FGD5: variants seen among roughly 807,000 people sequenced by gnomAD.
FGD5 encodes the protein FYVE, RhoGEF and PH domain-containing protein 5.
Under a neutral mutation model 133.4 loss-of-function variants are expected in FGD5, and 28 were observed. The ratio of observed to expected loss-of-function variants is 0.21; its 90% CI spans 0.16 to 0.29. The LOEUF (loss-of-function observed/expected upper bound fraction) is 0.29, where lower values mean the gene tolerates loss of function less well. Ranked by LOEUF, FGD5 falls within the 10% of genes least tolerant of loss-of-function variation. The pLI is 1.00. For synonymous variants in FGD5, 810 were observed against 776.5 expected (o/e 1.04, Z -0.72); for missense variants, 1,858 against 1,895.2 (o/e 0.98, Z 0.36).
At chr3:14,882,533 A>T (rs920908378) in intron 4 of FGD5, among the ~76,000 whole-genome samples, 2 of 152,040 alleles carry the variant, frequency 1.3e-5, no homozygotes, top group Non-Finnish European at 2.9e-5. Context: ...CCCCATCTCT[A>T]CTGAAAATAC....
At chr3:14,883,099 C>T (rs2037857584) in intron 4 of FGD5, among the ~76,000 whole-genome samples, 1 of 152,060 alleles carries the variant, frequency 6.6e-6, no homozygotes, top group South Asian at 2.1e-4. Flanking sequence ...TAGCTCTGTG[C>T]TTGTCACATG....
chr3:14,925,927 T>C (rs1393288922), intron 17 of FGD5, 143 bp from the exon 18 acceptor site: 6 of 1,106,852 alleles, frequency 5.4e-6, no homozygotes, highest in Non-Finnish European at 7.5e-6. Context: ...ACTTTGGTAC[T>C]GGATAGATCC....
chr3:14,851,538 C>A (rs946162121), intron 1 of FGD5, among the ~76,000 whole-genome samples: 9 of 152,242 alleles, frequency 5.9e-5, no homozygotes, highest in Admixed American at 5.9e-4. Flanking sequence ...CTGGCTCCAG[C>A]CTCTGCTGCC....
chr3:14,872,037 G>T (rs967931934), intron 2 of FGD5, among the ~76,000 whole-genome samples: 1 of 152,210 alleles, frequency 6.6e-6, no homozygotes, highest in African/African-American at 2.4e-5. Flanking sequence ...AAGATCCTCA[G>T]TGACTCACGT....
At chr3:14,865,010 T>C (rs1257955250) in intron 2 of FGD5, among the ~76,000 whole-genome samples, 1 of 152,114 alleles carries the variant, frequency 6.6e-6, no homozygotes, top group Non-Finnish European at 1.5e-5. Flanking sequence ...GACTGGTAGG[T>C]GGCATCCCAG....
chr3:14,823,083 A>G (rs959533051), intron 1 of FGD5, among the ~76,000 whole-genome samples: 1 of 152,202 alleles, frequency 6.6e-6, no homozygotes, highest in African/African-American at 2.4e-5. Context: ...GACTGAGTTT[A>G]GTTTGGAGAA....
chr3:14,845,307 T>C (rs2037029395), intron 1 of FGD5, among the ~76,000 whole-genome samples: 2 of 152,172 alleles, frequency 1.3e-5, no homozygotes, highest in South Asian at 4.1e-4. Context: ...CCCTAACTTA[T>C]TTTACTCTGA....
At position 14,820,583 on chromosome 3, in the gene FGD5, G is replaced by A; in HGVS notation, c.1512G>A (p.Glu504=). The A allele has an allele frequency of 6.2e-7, 1 of 1,609,572 alleles. No homozygotes were observed. The highest frequency in any genetic ancestry group is 1.7e-5 in the Admixed American group (1 of 59,580). Reference sequence around the variant, plus strand: ...CCGTCCCTGAAGAAACCGGACCTGAGGCGGGCTCGTCAGCCCCTGGCATTG... The same window carrying A: ...CCGTCCCTGAAGAAACCGGACCTGAAGCGGGCTCGTCAGCCCCTGGCATTG... ...PETVPEETGP[E]AGSSAPGIGG... is the part of the protein sequence containing the mutation. Residue 504 remains glutamate, a synonymous_variant, in exon 1 of 20, where the codon GAG becomes GAA. Coordinates refer to ENST00000285046, the MANE Select transcript of FGD5 (RefSeq NM_152536.4).
At chr3:14,857,572 C>T (rs181001162) in intron 1 of FGD5, among the ~76,000 whole-genome samples, 61 of 152,248 alleles carry the variant, frequency 4.0e-4, no homozygotes, top group Non-Finnish European at 7.9e-4. Flanking sequence ...AGGCACTGAG[C>T]CCTGGGCAAC....
intron 1 of FGD5, among the ~76,000 whole-genome samples, chr3:14,856,601 AT>A (rs1353848455): frequency 6.7e-6 from 1 of 149,710 alleles, no homozygotes; most frequent in Non-Finnish European, 1.5e-5. Context: ...AGTTAAATTT[AT>A]TTCTAGATTG....
intron 4 of FGD5, among the ~76,000 whole-genome samples, chr3:14,891,726 G>A (rs2038031368): frequency 6.6e-6 from 1 of 152,208 alleles, no homozygotes; most frequent in African/African-American, 2.4e-5. Flanking sequence ...TGTTCAGGAA[G>A]CACAGACCTT....
At chr3:14,842,546 T>C (rs2036943882) in intron 1 of FGD5, among the ~76,000 whole-genome samples, 1 of 152,244 alleles carries the variant, frequency 6.6e-6, no homozygotes, top group Admixed American at 6.5e-5. Flanking sequence ...CATTGTACCC[T>C]GATGTCCCTT....
intron 2 of FGD5, among the ~76,000 whole-genome samples, chr3:14,868,414 C>T (rs559876667): frequency 2.0e-5 from 3 of 152,372 alleles, no homozygotes; most frequent in South Asian, 2.1e-4. Flanking sequence ...CTGCTCTTGC[C>T]GGGCCGGCTG....
At chr3:14,867,917 G>A (rs2037528955) in intron 2 of FGD5, among the ~76,000 whole-genome samples, 1 of 152,070 alleles carries the variant, frequency 6.6e-6, no homozygotes, top group Non-Finnish European at 1.5e-5. Context: ...GCCCCGGGAG[G>A]TGTTTTTGGG....
At chr3:14,832,886 C>T (rs1231271683) in intron 1 of FGD5, among the ~76,000 whole-genome samples, 3 of 151,946 alleles carry the variant, frequency 2.0e-5, no homozygotes, top group African/African-American at 4.9e-5. Flanking sequence ...AGAAAAAGAA[C>T]GGCACACACT....
At chr3:14,822,699 ATTGT>A (rs1290975549) in intron 1 of FGD5, among the ~76,000 whole-genome samples, 1 of 152,138 alleles carries the variant, frequency 6.6e-6, no homozygotes, top group Non-Finnish European at 1.5e-5. Context: ...AACCATCCTC[ATTGT>A]TTGGGGGCAC....
At chr3:14,907,804 G>A in intron 10 of FGD5, 93 bp downstream of exon 10, 2 of 1,274,300 alleles carry the variant, frequency 1.6e-6, no homozygotes, top group Non-Finnish European at 2.2e-6. Flanking sequence ...GACAGGCCTG[G>A]CTGCAGGTGC....
chr3:14,894,493 C>T (rs1173447542), intron 4 of FGD5, among the ~76,000 whole-genome samples: 1 of 144,890 alleles, frequency 6.9e-6, no homozygotes, highest in Non-Finnish European at 1.5e-5. Context: ...ATTGCTAGAG[C>T]ATTTGTTAGT....
intron 9 of FGD5, among the ~76,000 whole-genome samples, chr3:14,902,665 C>T (rs1181110974): frequency 6.6e-6 from 1 of 152,168 alleles, no homozygotes; most frequent in Admixed American, 6.5e-5. Flanking sequence ...CCTCCCTGCC[C>T]CTCCTCATTT....
Sources: gnomAD v4.1 joint callset for allele counts (sites outside exome capture counted in the v4.1 genomes callset) on GRCh38, gnomAD v4.1.1 for gene constraint, MANE v1.5 for transcripts, NCBI Gene and HGNC (gene_info 2026-07-23, HGNC 2026-07-21) for gene names.